LRRIQ4: variants seen among roughly 807,000 people sequenced by gnomAD.
The protein encoded by LRRIQ4 is leucine-rich repeat and IQ domain-containing protein 4.
A neutral mutation model predicts 40.1 loss-of-function variants in LRRIQ4; 21 were observed. The observed-to-expected ratio is 0.52, with a 90% CI of 0.37 to 0.75. The LOEUF is 0.75. Among genes scored for constraint, LRRIQ4 ranks in the 30% least tolerant of loss-of-function variants. The probability of loss-of-function intolerance (pLI) is 0.00; values close to 1 mark genes in which losing one functional copy is unlikely to be tolerated. For synonymous variants in LRRIQ4, 277 were observed against 277.1 expected (o/e 1.00, Z 0.00); for missense variants, 655 against 660.0 (o/e 0.99, Z 0.08).
intron 4 of LRRIQ4, among the ~76,000 whole-genome samples, chr3:169,831,569 T>C (rs1476181223): frequency 6.9e-6 from 1 of 144,482 alleles, no homozygotes; most frequent in Non-Finnish European, 1.5e-5. Context: ...CCCAAAGTGC[T>C]GGAATTACAG....
intron 1 of LRRIQ4, among the ~76,000 whole-genome samples, chr3:169,813,848 G>T (rs909495826): frequency 2.0e-5 from 3 of 152,136 alleles, no homozygotes; most frequent in African/African-American, 7.2e-5. Flanking sequence ...GGTAACAATG[G>T]GGGTGTGGCT....
At chr3:169,832,948 T>C (rs1392357502) in intron 4 of LRRIQ4, 39 bp from the exon 5 acceptor site, 4 of 1,556,734 alleles carry the variant, frequency 2.6e-6, no homozygotes, top group Non-Finnish European at 3.5e-6. Context: ...ATATTGTTTC[T>C]TCTAAGATTG....
intron 2 of LRRIQ4, 63 bp from the exon 3 acceptor site, chr3:169,828,696 C>A: frequency 1.3e-6 from 2 of 1,505,784 alleles, no homozygotes; most frequent in East Asian, 2.3e-5. Context: ...ACCAGAAGCC[C>A]AATTTATCTC....
At position 169,819,600 on chromosome 3, in the gene LRRIQ4, G is replaced by A. The variant is rs185239344; in HGVS notation, c.-31-2291G>A. The stretch of plus-strand genomic sequence containing the variant: ...CGAGTGATGTTAAAAATCTAGGTGA[G>A]GTTGTGTCCAGTTCTCTGCTCTTAC... On this transcript the variant is annotated intron_variant, in intron 1 of 5. Coordinates refer to ENST00000340806, the MANE Select transcript of LRRIQ4 (RefSeq NM_001080460.3). Among the ~76,000 whole-genome samples the A allele has an allele frequency of 2.6e-5, 4 of 152,268 alleles. No homozygotes were observed. The East Asian group carries it at 7.7e-4, about 29-fold the overall frequency.
chr3:169,830,378 A>G (rs1394732249), intron 3 of LRRIQ4, 114 bp from the exon 4 acceptor site: 8 of 62,734 alleles, frequency 1.3e-4, no homozygotes, highest in South Asian at 8.1e-4. Flanking sequence ...ACTGAAAGTG[A>G]AAAAAAAAAA....
At chr3:169,833,258 A>G in intron 5 of LRRIQ4, 75 bp downstream of exon 5, 8 of 1,257,938 alleles carry the variant, frequency 6.4e-6, no homozygotes, top group South Asian at 1.5e-5. Flanking sequence ...AGATTATCCT[A>G]CGGAGCAACT....
At chr3:169,831,793 A>G (rs1780185281) in intron 4 of LRRIQ4, among the ~76,000 whole-genome samples, 1 of 150,070 alleles carries the variant, frequency 6.7e-6, no homozygotes. Flanking sequence ...CATGGTGAAA[A>G]CCCATCTCTA....
At chr3:169,834,853 A>G (rs1326588661) in intron 5 of LRRIQ4, among the ~76,000 whole-genome samples, 3 of 151,960 alleles carry the variant, frequency 2.0e-5, no homozygotes, top group Non-Finnish European at 4.4e-5. Context: ...TAAAAATTTA[A>G]AAATGTATAT....
intron 1 of LRRIQ4, among the ~76,000 whole-genome samples, chr3:169,817,459 G>A (rs373381329): frequency 6.6e-6 from 1 of 152,200 alleles, no homozygotes; most frequent in African/African-American, 2.4e-5. Flanking sequence ...GGTCTATAGT[G>A]CAGATTAAGT....
chr3:169,835,364 C>CTTTGTGTGTGTGTGTG (rs56344833), intron 5 of LRRIQ4, among the ~76,000 whole-genome samples: 3,959 of 146,440 alleles, frequency 0.027, 145 homozygotes, highest in African/African-American at 0.083. Flanking sequence ...TTGTCTTTTT[C>CTTTGTGTGTGTGTGTG]TGTGTGTGTG....
intron 2 of LRRIQ4, among the ~76,000 whole-genome samples, chr3:169,824,138 A>G (rs1779984556): frequency 6.6e-6 from 1 of 152,188 alleles, no homozygotes; most frequent in Non-Finnish European, 1.5e-5. Context: ...ATATTTTTAT[A>G]TATAATGAAA....
chr3:169,816,982 T>C (rs186064116), intron 1 of LRRIQ4, among the ~76,000 whole-genome samples: 2 of 152,248 alleles, frequency 1.3e-5, no homozygotes, highest in Admixed American at 1.3e-4. Flanking sequence ...TCTACTAACT[T>C]TGAGTTTGGT....
intron 4 of LRRIQ4, among the ~76,000 whole-genome samples, chr3:169,832,690 G>A (rs1283030126): frequency 6.6e-6 from 1 of 150,568 alleles, no homozygotes; most frequent in East Asian, 1.9e-4. Flanking sequence ...AGCAGGGTCT[G>A]AGAGTGATTT....
chr3:169,831,418 C>T (rs1312725774), intron 4 of LRRIQ4, among the ~76,000 whole-genome samples: 1 of 123,778 alleles, frequency 8.1e-6, no homozygotes, highest in Non-Finnish European at 1.6e-5. Context: ...GAACTACAGG[C>T]GCCCGCCACC....
At chr3:169,820,262 TG>T (rs1488888485) in intron 1 of LRRIQ4, among the ~76,000 whole-genome samples, 2 of 148,456 alleles carry the variant, frequency 1.3e-5, no homozygotes, top group African/African-American at 4.9e-5. Context: ...TGTGTGTGTG[TG>T]TGTGTGTGTG....
intron 2 of LRRIQ4, among the ~76,000 whole-genome samples, chr3:169,827,012 A>G (rs894683993): frequency 6.6e-6 from 1 of 152,262 alleles, no homozygotes; most frequent in East Asian, 1.9e-4. Flanking sequence ...CTCCAACTGT[A>G]AGTGACCCAT....
rs1779900094 is a variant in LRRIQ4, at chr3:169,821,941, C to T, written c.20C>T (p.Ser7Leu). 2 of 1,480,370 alleles carry T rather than the reference C, an allele frequency of 1.4e-6. No homozygotes were observed. The highest frequency in any genetic ancestry group is 1.8e-6 in the Non-Finnish European group (2 of 1,117,546). The allele number at this position is 1,480,370 out of a possible 1,614,324, so 91.7% of individuals were successfully genotyped here. A position where few individuals can be genotyped will look rare whatever the true frequency, so the allele number is the denominator to read the frequency against. Residue 7 changes from serine (S) to leucine (L), a missense_variant, in exon 2 of 6, where the codon TCA (serine) becomes TTA (leucine). Physicochemically the swap from Ser to Leu is moderately radical, Grantham distance 145 (BLOSUM62 -2). Coordinates refer to ENST00000340806, the MANE Select transcript of LRRIQ4 (RefSeq NM_001080460.3). MSKDIK[S>L]VEHSPKIHQR... ...ACAATAATGTCAAAAGACATAAAAT[C>T]AGTAGAACATTCACCTAAAATTCAT...
chr3:169,830,233 G>C (rs1475296024), intron 3 of LRRIQ4, among the ~76,000 whole-genome samples: 2 of 149,692 alleles, frequency 1.3e-5, no homozygotes, highest in African/African-American at 5.0e-5. Flanking sequence ...AAACAAATAA[G>C]CACTAGATGT....
In LRRIQ4 at chr3:169,821,907, C is replaced by T. The variant is rs765355897; in HGVS notation, c.-15C>T. ...ATATTTCAGATTTTGAATATTTGAG[C>T]TTTTCTTCACAATAATGTCAAAAGA... On this transcript the variant is annotated 5_prime_UTR_variant, in exon 2 of 6. Coordinates refer to ENST00000340806, the MANE Select transcript of LRRIQ4 (RefSeq NM_001080460.3). The T allele has an allele frequency of 2.9e-6, 4 of 1,393,574 alleles. No homozygotes were observed. In the Admixed American group the frequency reaches 8.2e-5, roughly 29 times the overall value. The allele number at this position is 1,393,574 out of a possible 1,614,324, so 86.3% of individuals were successfully genotyped here.
Sources: allele counts gnomAD v4.1 joint callset (sites outside exome capture counted in the v4.1 genomes callset), GRCh38; gene constraint gnomAD v4.1.1; transcripts MANE v1.5; gene names NCBI Gene and HGNC (gene_info 2026-07-23, HGNC 2026-07-21).